The following MAML3 variants were observed in gnomAD, a reference collection of about 807,000 sequenced individuals.
MAML3 encodes mastermind like transcriptional coactivator 3.
In MAML3, 27 loss-of-function variants were observed where a neutral mutation model predicts 101.9. The observed-to-expected ratio is 0.27, with a 90% CI of 0.20 to 0.37. The LOEUF (loss-of-function observed/expected upper bound fraction) is 0.37. Among genes scored for constraint, MAML3 ranks in the 10% least tolerant of loss-of-function variants. The pLI, the probability that MAML3 is intolerant of heterozygous loss-of-function variation, is 1.00. For synonymous variants in MAML3, 501 were observed against 555.9 expected, an observed-to-expected ratio of 0.90 and a Z score of 1.39; for missense variants, 1,316 against 1,444.9, an observed-to-expected ratio of 0.91 and a Z score of 1.45.
intron 1 of MAML3, among the ~76,000 whole-genome samples, chr4:139,921,858 C>T (rs962389599): frequency 3.3e-5 from 5 of 152,230 alleles, no homozygotes; most frequent in Non-Finnish European, 1.5e-5. Context: ...ATTGCTGCGG[C>T]TCACTGCATG....
intron 1 of MAML3, among the ~76,000 whole-genome samples, chr4:140,057,284 C>T (rs1306836327): frequency 2.0e-5 from 3 of 152,058 alleles, no homozygotes; most frequent in Non-Finnish European, 2.9e-5. Context: ...ATATATATTT[C>T]CCCAAAAGAC....
intron 1 of MAML3, among the ~76,000 whole-genome samples, chr4:140,147,197 T>C (rs1456943314): frequency 6.8e-6 from 1 of 147,758 alleles, no homozygotes; most frequent in African/African-American, 2.5e-5. Flanking sequence ...ATACTGAAAA[T>C]CTACAGAGAA....
intron 1 of MAML3, among the ~76,000 whole-genome samples, chr4:140,111,880 T>C (rs995652342): frequency 1.3e-5 from 2 of 152,238 alleles, no homozygotes; most frequent in African/African-American, 4.8e-5. Flanking sequence ...GCCATGTCAG[T>C]GGCCCCAACC....
At chr4:139,829,756 A>G (rs989666993) in intron 2 of MAML3, among the ~76,000 whole-genome samples, 3 of 152,240 alleles carry the variant, frequency 2.0e-5, no homozygotes, top group Non-Finnish European at 4.4e-5. Context: ...TGTGAGGTTT[A>G]TAATGGATTC....
chr4:139,959,420 T>C (rs773996964), intron 1 of MAML3, among the ~76,000 whole-genome samples: 2 of 152,194 alleles, frequency 1.3e-5, no homozygotes, highest in Non-Finnish European at 2.9e-5. Context: ...GTTCTTAAAA[T>C]GCCTTGGAAA....
intron 1 of MAML3, among the ~76,000 whole-genome samples, chr4:139,980,340 C>G (rs962067565): frequency 1.3e-5 from 2 of 152,188 alleles, no homozygotes; most frequent in African/African-American, 4.8e-5. Context: ...CCTCTGCATA[C>G]ACACCTCCTT....
At chr4:139,963,240 G>A (rs1028199139) in intron 1 of MAML3, among the ~76,000 whole-genome samples, 4 of 152,126 alleles carry the variant, frequency 2.6e-5, no homozygotes, top group Non-Finnish European at 5.9e-5. Context: ...GCAACATAGC[G>A]AGACCCCTTT....
At position 140,003,118 on chromosome 4, in the gene MAML3, G is replaced by C. The variant is rs563493647; in HGVS notation, c.469-112151C>G. On this transcript the variant is annotated intron_variant, in intron 1 of 4. Coordinates refer to ENST00000509479, the MANE Select transcript of MAML3 (RefSeq NM_018717.5). ...CTGCAAATTTCTATGAAGATTTAGG[G>C]TTCTAGAGCTGGAAGGAACTTGGCA... 2.4e-4 allele frequency among the ~76,000 whole-genome samples: 36 copies of C among 152,312 alleles called. No homozygotes were observed. The South Asian group carries it at 7.5e-3, about 32-fold the overall frequency.
intron 1 of MAML3, among the ~76,000 whole-genome samples, chr4:139,917,025 G>C (rs890153326): frequency 8.5e-5 from 13 of 152,186 alleles, no homozygotes; most frequent in African/African-American, 2.9e-4. Context: ...CATAAAAATG[G>C]ATTTCCAGAG....
chr4:139,868,735 T>C (rs1578639001), intron 2 of MAML3, among the ~76,000 whole-genome samples: 1 of 152,198 alleles, frequency 6.6e-6, no homozygotes, highest in South Asian at 2.1e-4. Flanking sequence ...TTAAAAATTG[T>C]GGCATTTTGT....
intron 2 of MAML3, among the ~76,000 whole-genome samples, chr4:139,864,935 T>TG (rs1560818204): frequency 3.5e-5 from 5 of 141,516 alleles, no homozygotes; most frequent in African/African-American, 1.3e-4. Flanking sequence ...TTTTTTTTTT[T>TG]TTTTTTTTTT....
chr4:139,969,523 C>T (rs1456068295), intron 1 of MAML3, among the ~76,000 whole-genome samples: 2 of 152,142 alleles, frequency 1.3e-5, no homozygotes, highest in East Asian at 1.9e-4. Context: ...TGATAATTTA[C>T]AGCAAACTTT....
intron 1 of MAML3, among the ~76,000 whole-genome samples, chr4:139,965,265 A>G (rs1012379833): frequency 8.7e-5 from 13 of 149,576 alleles, no homozygotes; most frequent in African/African-American, 3.2e-4. Context: ...CTTATAAGCC[A>G]TTTGGATTTT....
chr4:139,742,551 T>A (rs1226945560), intron 2 of MAML3, among the ~76,000 whole-genome samples: 1 of 152,216 alleles, frequency 6.6e-6, no homozygotes. Context: ...CTTAGTATCG[T>A]CCCTATTAAT....
intron 1 of MAML3, among the ~76,000 whole-genome samples, chr4:140,075,772 G>A (rs1460817712): frequency 6.7e-6 from 1 of 149,806 alleles, no homozygotes; most frequent in Non-Finnish European, 1.5e-5. Flanking sequence ...GGGGGTGGGG[G>A]CGGAGGGGGA....
In MAML3 at chr4:139,730,453, TG is replaced by T; in HGVS notation, c.2293del (p.Gln765SerfsTer47). 1 of 1,552,046 alleles carries T rather than the reference TG, an allele frequency of 6.4e-7. No individual in the cohort carries two copies. The highest frequency in any genetic ancestry group is 1.2e-5 in the South Asian group (1 of 84,086). On this transcript the variant is annotated frameshift_variant, in exon 3 of 5. Transcript: ENST00000509479. LOFTEE classifies it high-confidence loss of function. ...AATCTGCTGCTGCTGCTGCTGCTGCTGCTGCCTTTGCTCCCGCAGGAACTGT... is the reference window on the plus strand; with the variant it reads ...AATCTGCTGCTGCTGCTGCTGCTGCTCTGCCTTTGCTCCCGCAGGAACTGT... ...KQQFLREQRQ[Q>X]QQQQQQQILA...
chr4:139,784,867 T>G (rs1466752635), intron 2 of MAML3, among the ~76,000 whole-genome samples: 1 of 152,104 alleles, frequency 6.6e-6, no homozygotes, highest in Non-Finnish European at 1.5e-5. Flanking sequence ...AGCTTGGTTC[T>G]CACAAGTGGG....
At chr4:139,762,607 C>T (rs892260813) in intron 2 of MAML3, among the ~76,000 whole-genome samples, 2 of 152,170 alleles carry the variant, frequency 1.3e-5, no homozygotes, top group African/African-American at 4.8e-5. Flanking sequence ...ATTCAAAGGA[C>T]AGAATCGAGG....
intron 1 of MAML3, among the ~76,000 whole-genome samples, chr4:139,978,550 GGC>G (rs1734386263): frequency 2.0e-5 from 3 of 148,986 alleles, no homozygotes; most frequent in Non-Finnish European, 4.4e-5. Flanking sequence ...CTGGGTAAAG[GGC>G]AGTTGACCCT....
Sources: gnomAD v4.1 joint callset for allele counts (sites outside exome capture counted in the v4.1 genomes callset) on GRCh38, gnomAD v4.1.1 for gene constraint, MANE v1.5 for transcripts, NCBI Gene and HGNC (gene_info 2026-07-23, HGNC 2026-07-21) for gene names.